ANKRD12: variants seen among roughly 807,000 people sequenced by gnomAD.
ANKRD12 encodes ankyrin repeat domain-containing protein 12.
ANKRD12 carries 85 observed loss-of-function variants against 183.4 expected under a neutral mutation model. That is an observed-to-expected ratio of 0.46 (90% CI 0.39 to 0.56). The LOEUF (loss-of-function observed/expected upper bound fraction) is 0.56. Among genes scored for constraint, ANKRD12 ranks in the 20% least tolerant of loss-of-function variants. The pLI is 0.00. For synonymous variants in ANKRD12, 914 were observed against 800.2 expected, an observed-to-expected ratio of 1.14 and a Z score of -2.40; for missense variants, 2,405 against 2,357.1, an observed-to-expected ratio of 1.02 and a Z score of -0.42.
At chr18:9,221,186 AAAAAC>A (rs1808224623) in intron 7 of ANKRD12, among the ~76,000 whole-genome samples, 1 of 152,226 alleles carries the variant, frequency 6.6e-6, no homozygotes, top group Non-Finnish European at 1.5e-5. Context: ...GATATGAAGA[AAAAAC>A]AAGTAATAAC....
chr18:9,175,042 C>G (rs1431977153), intron 1 of ANKRD12, among the ~76,000 whole-genome samples: 1 of 152,006 alleles, frequency 6.6e-6, no homozygotes, highest in Non-Finnish European at 1.5e-5. Flanking sequence ...GCAACCTCCA[C>G]CACCCAGATT....
chr18:9,281,170 C>A lies in ANKRD12; in HGVS notation c.*44C>A. 2 of 1,531,456 alleles carry A rather than the reference C, an allele frequency of 1.3e-6. No homozygotes were observed. The highest frequency in any genetic ancestry group is 2.4e-5 in the South Asian group (2 of 84,732). The allele number at this position is 1,531,456 out of a possible 1,614,324, so 94.9% of individuals were successfully genotyped here. A position where few individuals can be genotyped will look rare whatever the true frequency, so the allele number is the denominator to read the frequency against. ...GGTATTGTCCTAAACTGGTGATGCT[C>A]AAGCATTATACTGTGGAATACTGCC... is the stretch of plus-strand genomic sequence containing the variant. On this transcript the variant is annotated 3_prime_UTR_variant, in exon 13 of 13. Transcript: ENST00000262126.
chr18:9,257,674 C>T lies in ANKRD12; in HGVS notation c.4407C>T (p.Arg1469=), dbSNP rs2038719442. 1.9e-6 allele frequency: 3 copies of T among 1,614,016 alleles called. No homozygotes were observed. Among genetic ancestry groups the T allele is most frequent in the East Asian group, 2.2e-5 (1 of 44,882 alleles). Reference sequence around the variant, plus strand: ...AAAATGCTGATTTTTTATCCCTGCGCCAGACTGAACTGCCAGGAAACTCTT... The same window carrying T: ...AAAATGCTGATTTTTTATCCCTGCGTCAGACTGAACTGCCAGGAAACTCTT... ...LKENADFLSL[R]QTELPGNSCA... The change falls in exon 9 of 13, where the codon CGC becomes CGT. Residue 1469 remains arginine (R), a synonymous_variant. Coordinates refer to ENST00000262126, the MANE Select transcript of ANKRD12 (RefSeq NM_015208.5).
chr18:9,235,803 A>C (rs913555140), intron 8 of ANKRD12: 11 of 401,478 alleles, frequency 2.7e-5, no homozygotes, highest in African/African-American at 1.7e-4. Flanking sequence ...TGTAGAAAAA[A>C]ATAAAAATGA....
intron 1 of ANKRD12, among the ~76,000 whole-genome samples, chr18:9,140,378 A>G (rs2078274755): frequency 6.6e-6 from 1 of 152,154 alleles, no homozygotes; most frequent in Non-Finnish European, 1.5e-5. Flanking sequence ...ACATTTTCTG[A>G]TCCCCACTTA....
chr18:9,261,425 ACTTGTT>A (rs2038959176), intron 9 of ANKRD12, among the ~76,000 whole-genome samples: 1 of 152,188 alleles, frequency 6.6e-6, no homozygotes, highest in Non-Finnish European at 1.5e-5. Flanking sequence ...TGTTTTCCAA[ACTTGTT>A]CTTGGAAGCA....
chr18:9,239,615 T>A, intron 8 of ANKRD12: 1 of 800,134 alleles, frequency 1.2e-6, no homozygotes, highest in South Asian at 1.6e-5. Context: ...ATACCCAAAA[T>A]TTATTACTTA....
rs376430781 is a variant in ANKRD12 at position 9,277,546 on chromosome 18, C to A, written c.5907+1879C>A. 2.4e-4 allele frequency among the ~76,000 whole-genome samples: 37 copies of A among 151,824 alleles called. No individual in the cohort carries two copies. The South Asian group carries it at 5.4e-3, about 22-fold the overall frequency. On this transcript the variant is annotated intron_variant, in intron 11 of 12. Coordinates refer to ENST00000262126, the MANE Select transcript of ANKRD12 (RefSeq NM_015208.5). ...GTTTCACCATGTTAGCCAGGATGGT[C>A]TCGATCTCCTGACCTCGTGATCCAC...
chr18:9,195,849 A>G (rs2034754634), intron 3 of ANKRD12, 151 bp downstream of exon 3: 1 of 726,416 alleles, frequency 1.4e-6, no homozygotes, highest in African/African-American at 1.8e-5. Flanking sequence ...TAGGAATTCC[A>G]TCTATCATGC....
chr18:9,148,073 T>G (rs915024718), intron 1 of ANKRD12, among the ~76,000 whole-genome samples: 1 of 152,212 alleles, frequency 6.6e-6, no homozygotes, highest in African/African-American at 2.4e-5. Context: ...TGGTAGTATT[T>G]TCTGCTCCCA....
chr18:9,234,714 G>A (rs1383003995), intron 8 of ANKRD12, among the ~76,000 whole-genome samples: 2 of 152,108 alleles, frequency 1.3e-5, no homozygotes, highest in Non-Finnish European at 2.9e-5. Context: ...AGTTCCAGCC[G>A]CTTAGGTACC....
At chr18:9,202,038 A>G (rs1249252500) in intron 3 of ANKRD12, among the ~76,000 whole-genome samples, 9 of 151,868 alleles carry the variant, frequency 5.9e-5, no homozygotes, top group Admixed American at 5.9e-4. Flanking sequence ...ATGTAGGCCA[A>G]GCTGGTCTCA....
intron 1 of ANKRD12, among the ~76,000 whole-genome samples, chr18:9,149,396 A>G (rs1006478895): frequency 3.3e-5 from 5 of 152,236 alleles, no homozygotes; most frequent in African/African-American, 1.2e-4. Context: ...GAATTAGTTC[A>G]TTTAGACTAG....
intron 8 of ANKRD12, among the ~76,000 whole-genome samples, chr18:9,243,650 T>C (rs1454736682): frequency 6.6e-6 from 1 of 152,136 alleles, no homozygotes; most frequent in Non-Finnish European, 1.5e-5. Context: ...TAATATATGA[T>C]TACTAAAGTA....
intron 9 of ANKRD12, among the ~76,000 whole-genome samples, chr18:9,260,647 G>A (rs961611625): frequency 4.6e-5 from 7 of 152,244 alleles, no homozygotes; most frequent in South Asian, 4.1e-4. Flanking sequence ...TCAGGGGAGC[G>A]AGTATTCTCA....
rs1043164474 is a variant in ANKRD12, at chr18:9,254,743, G to C, written c.1476G>C (p.Lys492Asn). Residue 492 changes from lysine (K) to asparagine (N), a missense_variant, in exon 9 of 13, where the codon AAG becomes AAC. Lys to Asn is a moderately conservative substitution (Grantham distance 94, BLOSUM62 0). This residue lies in a region of ANKRD12 where 1,983 missense variants were observed against 1,725.9 expected (regional missense o/e 1.15). Transcript: ENST00000262126. ...NKENQELKQE[K>N]EGKENTRITN... The stretch of plus-strand genomic sequence containing the variant: ...AGAACCAAGAGCTAAAGCAAGAAAA[G>C]GAAGGAAAAGAAAATACAAGAATAA... 1.3e-5 allele frequency: 19 copies of C among 1,478,582 alleles called. No individual in the cohort carries two copies. The highest frequency in any genetic ancestry group is 1.7e-5 in the Non-Finnish European group (19 of 1,115,236). The allele number at this position is 1,478,582 out of a possible 1,614,324, so 91.6% of individuals were successfully genotyped here.
chr18:9,170,867 G>C (rs927716367), intron 1 of ANKRD12, among the ~76,000 whole-genome samples: 1 of 152,038 alleles, frequency 6.6e-6, no homozygotes, highest in Non-Finnish European at 1.5e-5. Flanking sequence ...TGATGGTGAC[G>C]TACAGATGGG....
rs377340834 is a variant in ANKRD12 at position 9,216,944 on chromosome 18, A to G, written c.795+44A>G. On this transcript the variant is annotated intron_variant, in intron 7 of 12. Coordinates refer to ENST00000262126, the MANE Select transcript of ANKRD12 (RefSeq NM_015208.5). ...AATCAATAATACACATTTGCAAAAT[A>G]TAAATTCAACCCAAAGTAATTTCAT... 46 of 1,579,364 alleles carry G rather than the reference A, an allele frequency of 2.9e-5. No individual in the cohort carries two copies. The African/African-American group carries it at 5.8e-4, about 20-fold the overall frequency.
At chr18:9,166,055 A>G (rs111883203) in intron 1 of ANKRD12, among the ~76,000 whole-genome samples, 10 of 151,898 alleles carry the variant, frequency 6.6e-5, no homozygotes, top group Admixed American at 3.3e-4. Context: ...TGAACTCATC[A>G]TTTTTTATGG....
Sources: allele counts gnomAD v4.1 joint callset (sites outside exome capture counted in the v4.1 genomes callset), GRCh38; gene constraint gnomAD v4.1.1; regional missense constraint gnomAD v4.1.1; transcripts MANE v1.5; gene names NCBI Gene and HGNC (gene_info 2026-07-23, HGNC 2026-07-21).